FAM81A: variants seen among roughly 807,000 people sequenced by gnomAD.
FAM81A encodes the protein family with sequence similarity 81 member A.
A neutral mutation model predicts 46.7 loss-of-function variants in FAM81A; 19 were observed. The ratio of observed to expected loss-of-function variants is 0.41; its 90% CI spans 0.28 to 0.60. The LOEUF is 0.60. Among genes scored for constraint, FAM81A ranks in the 20% least tolerant of loss-of-function variants. The pLI is 0.34. For missense variants in FAM81A, 377 were observed against 453.5 expected, an observed-to-expected ratio of 0.83 and a Z score of 1.53; for synonymous variants, 183 against 152.9, an observed-to-expected ratio of 1.20 and a Z score of -1.45.
intron 3 of FAM81A, among the ~76,000 whole-genome samples, chr15:59,470,033 G>C (rs2081665016): frequency 6.6e-6 from 1 of 152,014 alleles, no homozygotes; most frequent in African/African-American, 2.4e-5. Flanking sequence ...TTGATTATTG[G>C]CCCCCACTCT....
At position 59,400,339 on chromosome 15, in the gene FAM81A, C is replaced by T. The variant is rs1308022315; in HGVS notation, c.-160-1937C>T. ...TCTGATAAATTTACCTCCTCAATAGCTTGCACTTCTGCTTACTCCTCTCCA... is the reference window on the plus strand; with the variant it reads ...TCTGATAAATTTACCTCCTCAATAGTTTGCACTTCTGCTTACTCCTCTCCA... On this transcript the variant is annotated intron_variant, in intron 1 of 4. Coordinates refer to the FAM81A transcript ENST00000558348. Among the ~76,000 whole-genome samples the T allele has an allele frequency of 3.3e-5, 5 of 152,122 alleles. No individual in the cohort carries two copies. In the South Asian group the frequency reaches 6.2e-4, roughly 19 times the overall value.
chr15:59,448,699 G>C (rs571448351), intron 1 of FAM81A, among the ~76,000 whole-genome samples: 1 of 152,118 alleles, frequency 6.6e-6, no homozygotes, highest in South Asian at 2.1e-4. Context: ...GATCTAGCTA[G>C]CTCTGTTGCC....
At chr15:59,455,429 A>T (rs186856690) in intron 1 of FAM81A, among the ~76,000 whole-genome samples, 443 of 152,318 alleles carry the variant, frequency 2.9e-3, no homozygotes, top group African/African-American at 9.7e-3. Context: ...ACAGGAGATG[A>T]TAACCTCAGG....
intron 3 of FAM81A, among the ~76,000 whole-genome samples, chr15:59,483,382 C>G (rs552021561): frequency 6.6e-6 from 1 of 152,050 alleles, no homozygotes; most frequent in African/African-American, 2.4e-5. Flanking sequence ...CAGGTTTCCA[C>G]TGAGGGAAAC....
chr15:59,479,492 CAG>C (rs2081819555), intron 3 of FAM81A, among the ~76,000 whole-genome samples: 1 of 117,764 alleles, frequency 8.5e-6, no homozygotes, highest in African/African-American at 3.4e-5. Flanking sequence ...GCCTGGGTGA[CAG>C]AGTGAGACTC....
At chr15:59,434,156 G>T (rs190933800), upstream of FAM81A, among the ~76,000 whole-genome samples, 1 of 152,108 alleles carries the variant, frequency 6.6e-6, no homozygotes, top group Non-Finnish European at 1.5e-5. Flanking sequence ...TAACTGGCCC[G>T]ATGAAACATT....
At chr15:59,400,623 C>G (rs1353246239) in intron 1 of FAM81A, among the ~76,000 whole-genome samples, 10 of 152,220 alleles carry the variant, frequency 6.6e-5, no homozygotes, top group African/African-American at 2.2e-4. Flanking sequence ...AGGCGTCATT[C>G]CTTCCCCTGC....
chr15:59,400,413 G>C (rs1177878988), intron 1 of FAM81A, among the ~76,000 whole-genome samples: 1 of 152,018 alleles, frequency 6.6e-6, no homozygotes, highest in Non-Finnish European at 1.5e-5. Flanking sequence ...ATCCTCTCCC[G>C]ATCATAGCAG....
intron 2 of FAM81A, among the ~76,000 whole-genome samples, chr15:59,431,450 G>C (rs1464401877): frequency 6.6e-6 from 1 of 151,504 alleles, no homozygotes. Context: ...GGTCAGGCTG[G>C]TCTCGAACTC....
intron 1 of FAM81A, chr15:59,401,206 A>G (rs2081068582): frequency 2.3e-6 from 2 of 882,862 alleles, no homozygotes; most frequent in Admixed American, 1.7e-5. Flanking sequence ...CAATAATTAT[A>G]TATGAAATTG....
intron 3 of FAM81A, among the ~76,000 whole-genome samples, chr15:59,471,084 G>A (rs2081682126): frequency 6.6e-6 from 1 of 152,110 alleles, no homozygotes; most frequent in Non-Finnish European, 1.5e-5. Context: ...CAAAGTGGTA[G>A]GATTACAGAC....
At chr15:59,461,658 G>C (rs1219305150) in intron 3 of FAM81A, among the ~76,000 whole-genome samples, 1 of 152,042 alleles carries the variant, frequency 6.6e-6, no homozygotes, top group African/African-American at 2.4e-5. Context: ...CTGCGGTTCA[G>C]ACATATCCTA....
intron 2 of FAM81A, among the ~76,000 whole-genome samples, chr15:59,416,228 G>A (rs1182747813): frequency 2.0e-5 from 3 of 152,198 alleles, no homozygotes; most frequent in African/African-American, 7.2e-5. Context: ...GGAAAACACA[G>A]TAATAATATG....
chr15:59,453,188 T>C (rs1368095262), intron 1 of FAM81A, among the ~76,000 whole-genome samples: 2 of 152,232 alleles, frequency 1.3e-5, no homozygotes, highest in Non-Finnish European at 2.9e-5. Context: ...CAGACACTGT[T>C]CTGGATATTC....
intron 2 of FAM81A, among the ~76,000 whole-genome samples, chr15:59,432,412 C>T (rs74570032): frequency 4.8e-4 from 73 of 152,280 alleles, no homozygotes; most frequent in African/African-American, 1.7e-3. Flanking sequence ...ATGTGCTGTC[C>T]TTGGGGAAGA....
Position 59,507,243 on chromosome 15 carries a change from A to G in FAM81A, c.444A>G (p.Ala148=). 1 of 1,611,748 alleles carries G rather than the reference A, an allele frequency of 6.2e-7. No individual in the cohort carries two copies. Among genetic ancestry groups the G allele is most frequent in the Non-Finnish European group, 8.5e-7 (1 of 1,178,924 alleles). ...RCDASIARLS[A]EHKTTYEGLQ... The stretch of plus-strand genomic sequence containing the variant: ...ATGCCAGCATAGCTAGACTTTCTGC[A>G]GAGCACAAAACGACCTATGAGGGGC... Residue 148 remains alanine, a synonymous_variant, in exon 5 of 9, where the codon GCA becomes GCG. Coordinates refer to ENST00000288228, the MANE Select transcript of FAM81A (RefSeq NM_152450.3).
chr15:59,455,350 A>G (rs1448868540), intron 1 of FAM81A, among the ~76,000 whole-genome samples: 2 of 152,198 alleles, frequency 1.3e-5, no homozygotes, highest in Non-Finnish European at 2.9e-5. Flanking sequence ...TCAAAACAGC[A>G]TGAAACCCAG....
At chr15:59,506,931 G>A (rs1330460884) in intron 4 of FAM81A, among the ~76,000 whole-genome samples, 1 of 152,202 alleles carries the variant, frequency 6.6e-6, no homozygotes, top group African/African-American at 2.4e-5. Flanking sequence ...TATGCTCTTT[G>A]TATTGGCCTC....
intron 2 of FAM81A, among the ~76,000 whole-genome samples, chr15:59,425,666 C>A (rs1209212790): frequency 6.6e-6 from 1 of 152,168 alleles, no homozygotes; most frequent in African/African-American, 2.4e-5. Context: ...CACTCTGTTG[C>A]TTATACTGGA....
Sources: gnomAD v4.1 joint callset for allele counts (sites outside exome capture counted in the v4.1 genomes callset) on GRCh38, gnomAD v4.1.1 for gene constraint, MANE v1.5 for transcripts, NCBI Gene and HGNC (gene_info 2026-07-23, HGNC 2026-07-21) for gene names.